ARHGEF10L: variants seen among roughly 807,000 people sequenced by gnomAD.
The protein encoded by ARHGEF10L is Rho guanine nucleotide exchange factor 10 like, also known as rho guanine nucleotide exchange factor 10-like protein.
ARHGEF10L carries 69 observed loss-of-function variants against 141.2 expected under a neutral mutation model. That is an observed-to-expected ratio of 0.49 (90% CI 0.40 to 0.60). ARHGEF10L has a LOEUF of 0.60. Among genes scored for constraint, ARHGEF10L ranks in the 20% least tolerant of loss-of-function variants. The pLI, the probability that ARHGEF10L is intolerant of heterozygous loss-of-function variation, is 0.00. For missense variants in ARHGEF10L, 1,482 were observed against 1,734.3 expected, an observed-to-expected ratio of 0.85 and a Z score of 2.58; for synonymous variants, 711 against 718.5, an observed-to-expected ratio of 0.99 and a Z score of 0.17.
intron 7 of ARHGEF10L, among the ~76,000 whole-genome samples, chr1:17,611,300 T>C (rs944152556): frequency 2.6e-4 from 39 of 152,298 alleles, no homozygotes; most frequent in African/African-American, 9.1e-4. Context: ...GGAGTCTGGG[T>C]AGCTCTCAGA....
At chr1:17,568,881 C>A (rs1214148946) in intron 1 of ARHGEF10L, among the ~76,000 whole-genome samples, 1 of 152,142 alleles carries the variant, frequency 6.6e-6, no homozygotes, top group Non-Finnish European at 1.5e-5. Context: ...GAAGCCATCC[C>A]TCCCTGCTCT....
chr1:17,533,906 C>T, the ARHGEF10L span, among the ~76,000 whole-genome samples: 9 of 152,032 alleles, frequency 5.9e-5, no homozygotes, highest in African/African-American at 1.4e-4. Flanking sequence ...ACTGCCTATG[C>T]GAGGCCGGTA....
At chr1:17,631,942 C>A (rs2060717789) in intron 15 of ARHGEF10L, among the ~76,000 whole-genome samples, 1 of 152,224 alleles carries the variant, frequency 6.6e-6, no homozygotes, top group Non-Finnish European at 1.5e-5. Context: ...GGCTTCACAG[C>A]AGGAGTGGGG....
At chr1:17,612,973 C>T (rs1232385522) in intron 7 of ARHGEF10L, 85 bp from the exon 8 acceptor site, 1 of 918,776 alleles carries the variant, frequency 1.1e-6, no homozygotes, top group Non-Finnish European at 1.8e-6. Context: ...TCTCCTTTCT[C>T]CCCTGTTGTC....
At chr1:17,531,763 T>G in the ARHGEF10L span, among the ~76,000 whole-genome samples, 4 of 152,198 alleles carry the variant, frequency 2.6e-5, no homozygotes, top group Non-Finnish European at 5.9e-5. Flanking sequence ...TCTGGTGTGT[T>G]GCTCATGGGA....
In ARHGEF10L at chr1:17,654,094, G is replaced by T. The variant is rs985441025; in HGVS notation, c.2395-542G>T. On this transcript the variant is annotated intron_variant, in intron 22 of 28. Coordinates refer to ENST00000361221, the MANE Select transcript of ARHGEF10L (RefSeq NM_018125.4). This position sits in a 1 kb window ranked among gnomAD's most constrained non-coding sequence, Gnocchi z 4.3. Reference sequence around the variant, plus strand: ...AGAATTGCTGTCCTGGCCAGAGAGAGGGACTGACCAGGTCTAGCTCAGGAG... The same window carrying T: ...AGAATTGCTGTCCTGGCCAGAGAGATGGACTGACCAGGTCTAGCTCAGGAG... Among the ~76,000 whole-genome samples the T allele has an allele frequency of 6.6e-6, 1 of 152,224 alleles. No individual in the cohort carries two copies. Among genetic ancestry groups the T allele is most frequent in the Non-Finnish European group, 1.5e-5 (1 of 68,040 alleles).
chr1:17,670,691 G>A (rs1412251547), intron 26 of ARHGEF10L, among the ~76,000 whole-genome samples: 1 of 152,218 alleles, frequency 6.6e-6, no homozygotes, highest in African/African-American at 2.4e-5. Context: ...GGGGCGTTGG[G>A]GACCCGGCTG....
At position 17,644,187 on chromosome 1, in the gene ARHGEF10L, G is replaced by A. The variant is rs542111959; in HGVS notation, c.2272+3885G>A. On this transcript the variant is annotated intron_variant, in intron 21 of 28. Coordinates refer to ENST00000361221, the MANE Select transcript of ARHGEF10L (RefSeq NM_018125.4). The surrounding 1 kb of genome is among the most constrained non-coding windows in gnomAD (Gnocchi z 4.5). ...GTGGCCCAAGGCAGTGAGCCTGAGC[G>A]CAGGGCTGGGCCCTCCCTTGCTGCC... is the stretch of plus-strand genomic sequence containing the variant. 8.5e-5 allele frequency among the ~76,000 whole-genome samples: 13 copies of A among 152,366 alleles called. No homozygotes were observed. Among genetic ancestry groups the A allele is most frequent in the African/African-American group, 2.2e-4 (9 of 41,584 alleles).
intron 8 of ARHGEF10L, among the ~76,000 whole-genome samples, chr1:17,613,946 C>T (rs2059672005): frequency 6.6e-6 from 1 of 152,234 alleles, no homozygotes; most frequent in Non-Finnish European, 1.5e-5. Flanking sequence ...ACGATCAGGC[C>T]TCTTGGGTGT....
In ARHGEF10L at chr1:17,656,540, A is replaced by G. The variant is rs2062269038; in HGVS notation, c.2706-14A>G. Reference sequence around the variant, plus strand: ...TCAGTGTGTCATGACCGCTTCTCCAACCTCTCCCCGCAGCATCCTCCTCTA... The same window carrying G: ...TCAGTGTGTCATGACCGCTTCTCCAGCCTCTCCCCGCAGCATCCTCCTCTA... On this transcript the variant is annotated splice_polypyrimidine_tract_variant and intron_variant, in intron 24 of 28. Transcript: ENST00000361221. The surrounding 1 kb of genome is among the most constrained non-coding windows in gnomAD (Gnocchi z 4.9). 1.2e-6 allele frequency: 2 copies of G among 1,602,406 alleles called. No individual in the cohort carries two copies. The highest frequency in any genetic ancestry group is 1.7e-6 in the Non-Finnish European group (2 of 1,171,978).
chr1:17,634,613 T>TCTGGTGCC, intron 17 of ARHGEF10L, 51 bp downstream of exon 17: 1 of 1,604,518 alleles, frequency 6.2e-7, no homozygotes, highest in Non-Finnish European at 8.5e-7. Flanking sequence ...GCTCTGGGGC[T>TCTGGTGCC]CTGGTGCCAT....
upstream of ARHGEF10L, among the ~76,000 whole-genome samples, chr1:17,535,615 GC>G (rs201096159): frequency 0.028 from 4,258 of 152,286 alleles, 98 homozygotes; most frequent in Non-Finnish European, 0.043. Context: ...CAGGTCAGCA[GC>G]GGAGACAAGG....
the ARHGEF10L span, among the ~76,000 whole-genome samples, chr1:17,525,769 G>T: frequency 1.1e-4 from 17 of 152,046 alleles, no homozygotes; most frequent in Non-Finnish European, 2.4e-4. Flanking sequence ...TTGGGGGGCT[G>T]AGATGGGCAG....
intron 3 of ARHGEF10L, 93 bp from the exon 4 acceptor site, chr1:17,588,352 GC>G: frequency 7.0e-7 from 1 of 1,438,032 alleles, no homozygotes; most frequent in Non-Finnish European, 9.7e-7. Flanking sequence ...TGTCTGCGGC[GC>G]CCCTGGGGAG....
At chr1:17,568,068 G>A (rs2077834412) in intron 1 of ARHGEF10L, among the ~76,000 whole-genome samples, 1 of 152,154 alleles carries the variant, frequency 6.6e-6, no homozygotes, top group Non-Finnish European at 1.5e-5. Context: ...TGCTAGAGGG[G>A]CTGCCTCCTA....
chr1:17,697,041 C>G lies in ARHGEF10L; in HGVS notation c.3501C>G (p.Arg1167=), dbSNP rs753428121. Residue 1167 remains arginine, a synonymous_variant, in exon 29 of 29, where the codon CGC becomes CGG. Transcript: ENST00000361221. This position sits in a 1 kb window ranked among gnomAD's most constrained non-coding sequence, Gnocchi z 4.8. The part of the protein sequence containing the change: ...PDSHVGRELT[R]KKGILLQYRL... ...GCCACGTGGGCCGAGAGCTGACCCG[C>G]AAGAAGGGCATCCTCTTGCAGTACC... The G allele has an allele frequency of 6.2e-7, 1 of 1,604,156 alleles. No individual in the cohort carries two copies. Among genetic ancestry groups the G allele is most frequent in the African/African-American group, 1.3e-5 (1 of 74,924 alleles).
At position 17,587,445 on chromosome 1, in the gene ARHGEF10L, CCTT is replaced by C. The variant is rs768625001; in HGVS notation, c.38-12_38-10del. 1.9e-6 allele frequency: 3 copies of C among 1,608,694 alleles called. No individual in the cohort carries two copies. The highest frequency in any genetic ancestry group is 2.7e-5 in the African/African-American group (2 of 74,760). ...CGGAGATCCTGCAGCCTGGCCAACT[CCTT>C]CTCTCTTCCAGGAGATCAGCTGGTT... is the stretch of plus-strand genomic sequence containing the variant. On this transcript the variant is annotated splice_polypyrimidine_tract_variant and intron_variant, in intron 2 of 28. Coordinates refer to ENST00000361221, the MANE Select transcript of ARHGEF10L (RefSeq NM_018125.4).
At chr1:17,688,458 G>A (rs1018697513) in intron 27 of ARHGEF10L, among the ~76,000 whole-genome samples, 2 of 152,222 alleles carry the variant, frequency 1.3e-5, no homozygotes, top group Non-Finnish European at 1.5e-5. Context: ...AGACCACGGG[G>A]CCAGCAGGCA....
rs978483235 is a variant in ARHGEF10L at position 17,654,667 on chromosome 1, G to C, written c.2426G>C (p.Cys809Ser). The C allele has an allele frequency of 6.2e-7, 1 of 1,614,174 alleles. No homozygotes were observed. Among genetic ancestry groups the C allele is most frequent in the Admixed American group, 1.7e-5 (1 of 60,028 alleles). ...LGALVHSPVN[C>S]PLLGFSAVST... Reference sequence around the variant, plus strand: ...GCCCTGGTCCACAGTCCTGTCAACTGTCCCCTGCTGGGTTTCTCAGCAGTC... The same window carrying C: ...GCCCTGGTCCACAGTCCTGTCAACTCTCCCCTGCTGGGTTTCTCAGCAGTC... Residue 809 changes from cysteine to serine, a missense_variant, in exon 23 of 29, where the codon TGT becomes TCT. Around this residue, in one of 3 missense-constraint regions of ARHGEF10L, gnomAD observed 858 missense variants for 966.3 expected, o/e 0.89. Transcript: ENST00000361221. The surrounding 1 kb of genome is among the most constrained non-coding windows in gnomAD (Gnocchi z 4.3).
Sources: gnomAD v4.1 joint callset for allele counts (sites outside exome capture counted in the v4.1 genomes callset) on GRCh38, gnomAD v4.1.1 for gene constraint, gnomAD v4.1.1 regional missense constraint, Gnocchi (gnomAD v3.1) non-coding constraint, MANE v1.5 for transcripts, NCBI Gene and HGNC (gene_info 2026-07-23, HGNC 2026-07-21) for gene names.